Variants in ALCAM observed in about 807,000 individuals in gnomAD.
ALCAM encodes the protein CD166 antigen.
ALCAM carries 30 observed loss-of-function variants against 70.9 expected under a neutral mutation model. The observed-to-expected ratio is 0.42, with a 90% CI of 0.32 to 0.57. ALCAM has a LOEUF of 0.57. ALCAM is among the 20% of genes least tolerant of loss of function. The probability of loss-of-function intolerance (pLI) is 0.11; values close to 1 mark genes in which losing one functional copy is unlikely to be tolerated. For synonymous variants in ALCAM, 249 were observed against 242.5 expected, an observed-to-expected ratio of 1.03 and a Z score of -0.25; for missense variants, 591 against 695.1, an observed-to-expected ratio of 0.85 and a Z score of 1.68.
At chr3:105,386,857 C>T (rs927005274) in intron 1 of ALCAM, among the ~76,000 whole-genome samples, 1 of 151,396 alleles carries the variant, frequency 6.6e-6, no homozygotes, top group African/African-American at 2.4e-5. Flanking sequence ...CAAGTATATT[C>T]CCCAATGTTT....
At chr3:105,539,208 C>G (rs1302728788) in intron 6 of ALCAM, among the ~76,000 whole-genome samples, 2 of 152,084 alleles carry the variant, frequency 1.3e-5, no homozygotes, top group African/African-American at 4.8e-5. Flanking sequence ...GTTAGTGGAT[C>G]ATTTCTAACT....
At chr3:105,381,125 A>G (rs905239956) in intron 1 of ALCAM, among the ~76,000 whole-genome samples, 3 of 151,952 alleles carry the variant, frequency 2.0e-5, no homozygotes, top group African/African-American at 7.2e-5. Flanking sequence ...ATAGCTGTGA[A>G]AGTTAAATGA....
chr3:105,372,141 A>C (rs1935251743), intron 1 of ALCAM, among the ~76,000 whole-genome samples: 1 of 152,094 alleles, frequency 6.6e-6, no homozygotes, highest in African/African-American at 2.4e-5. Flanking sequence ...ATTAGGGTAG[A>C]ATTTTCCTTT....
At chr3:105,415,917 T>C (rs938879155) in intron 1 of ALCAM, among the ~76,000 whole-genome samples, 10 of 152,078 alleles carry the variant, frequency 6.6e-5, no homozygotes, top group African/African-American at 2.4e-4. Context: ...TTATTTTGTT[T>C]TTGGCTTTTC....
chr3:105,408,503 G>A (rs2196746), intron 1 of ALCAM, among the ~76,000 whole-genome samples: 147,981 of 152,260 alleles, frequency 0.97, 72,051 homozygotes, highest in East Asian at 1. Flanking sequence ...AGCCACATGT[G>A]GAAGAATGAA....
intron 1 of ALCAM, among the ~76,000 whole-genome samples, chr3:105,464,125 T>C (rs1465148424): frequency 6.6e-6 from 1 of 151,362 alleles, no homozygotes; most frequent in Admixed American, 6.6e-5. Context: ...GCTAGTCAAA[T>C]GCATTTTTTG....
chr3:105,476,733 A>G (rs1938123659), intron 1 of ALCAM, among the ~76,000 whole-genome samples: 3 of 152,020 alleles, frequency 2.0e-5, no homozygotes. Flanking sequence ...ACATTTGTTC[A>G]CCTTTGTTCT....
intron 14 of ALCAM, among the ~76,000 whole-genome samples, chr3:105,558,130 T>C (rs982930026): frequency 1.3e-5 from 2 of 152,062 alleles, no homozygotes; most frequent in Non-Finnish European, 2.9e-5. Flanking sequence ...CAGGTATCAA[T>C]GGCCGGTTTG....
At position 105,436,760 on chromosome 3, in the gene ALCAM, A is replaced by C. The variant is rs560379203; in HGVS notation, c.73+69279A>C. Reference sequence around the variant, plus strand: ...TTCTGGCCAAATTAAGCATGTGCACATCTCTTGAGCTGGTCAGGGTTGGAG... The same window carrying C: ...TTCTGGCCAAATTAAGCATGTGCACCTCTCTTGAGCTGGTCAGGGTTGGAG... On this transcript the variant is annotated intron_variant, in intron 1 of 15. Coordinates refer to ENST00000306107, the MANE Select transcript of ALCAM (RefSeq NM_001627.4). Among the ~76,000 whole-genome samples, 41 of 152,290 alleles carry C rather than the reference A, an allele frequency of 2.7e-4. No homozygotes were observed. In the East Asian group the frequency reaches 7.9e-3, roughly 29 times the overall value.
chr3:105,494,577 C>T (rs1473323316), intron 1 of ALCAM, among the ~76,000 whole-genome samples: 1 of 152,010 alleles, frequency 6.6e-6, no homozygotes, highest in Non-Finnish European at 1.5e-5. Flanking sequence ...GACAACAATT[C>T]TTTCTTGCTT....
intron 1 of ALCAM, among the ~76,000 whole-genome samples, chr3:105,446,542 A>T (rs1290871964): frequency 6.6e-6 from 1 of 152,002 alleles, no homozygotes; most frequent in African/African-American, 2.4e-5. Flanking sequence ...AGCTCTATTC[A>T]TAATAGCCAT....
intron 1 of ALCAM, among the ~76,000 whole-genome samples, chr3:105,450,926 G>A (rs1335232076): frequency 2.0e-5 from 3 of 152,026 alleles, no homozygotes; most frequent in Non-Finnish European, 2.9e-5. Flanking sequence ...GAAGAATGAC[G>A]TAGAGTTTTA....
chr3:105,379,855 T>C (rs1258422940), intron 1 of ALCAM, among the ~76,000 whole-genome samples: 1 of 151,806 alleles, frequency 6.6e-6, no homozygotes, highest in East Asian at 1.9e-4. Flanking sequence ...ATTCAAAAAA[T>C]GCTTCCACAA....
At chr3:105,386,401 G>C (rs1935655987) in intron 1 of ALCAM, among the ~76,000 whole-genome samples, 1 of 151,558 alleles carries the variant, frequency 6.6e-6, no homozygotes, top group Non-Finnish European at 1.5e-5. Context: ...TTTGGTTCCA[G>C]TTACAGATTT....
At chr3:105,452,279 T>G (rs540028482) in intron 1 of ALCAM, among the ~76,000 whole-genome samples, 2 of 152,236 alleles carry the variant, frequency 1.3e-5, no homozygotes, top group African/African-American at 4.8e-5. Context: ...CCATGTGTTC[T>G]CATTGTTCAA....
At chr3:105,368,263 G>GAGAGAGAGAGAGAGAGAAAA (rs1412428456) in intron 1 of ALCAM, among the ~76,000 whole-genome samples, 2 of 143,340 alleles carry the variant, frequency 1.4e-5, no homozygotes, top group African/African-American at 5.0e-5. Flanking sequence ...GAGAGAGAGA[G>GAGAGAGAGAGAGAGAGAAAA]AAAAGGCAAA....
intron 1 of ALCAM, among the ~76,000 whole-genome samples, chr3:105,510,954 C>T (rs1461081141): frequency 2.6e-5 from 4 of 151,924 alleles, no homozygotes; most frequent in African/African-American, 4.8e-5. Flanking sequence ...AATTTCAAAA[C>T]GGGAGGCACC....
At chr3:105,519,985 G>T (rs1047427095) in intron 1 of ALCAM, 82 bp from the exon 2 acceptor site, 4 of 865,034 alleles carry the variant, frequency 4.6e-6, no homozygotes, top group Non-Finnish European at 7.4e-6. Context: ...GCATCTTGAA[G>T]TTATTTGTCA....
chr3:105,555,629 G>A (rs181401279), intron 14 of ALCAM, among the ~76,000 whole-genome samples: 1 of 152,084 alleles, frequency 6.6e-6, no homozygotes, highest in Non-Finnish European at 1.5e-5. Context: ...AGAAAGATAA[G>A]AGAAACAATC....
Sources: gnomAD v4.1 joint callset for allele counts (sites outside exome capture counted in the v4.1 genomes callset) on GRCh38, gnomAD v4.1.1 for gene constraint, MANE v1.5 for transcripts, NCBI Gene and HGNC (gene_info 2026-07-23, HGNC 2026-07-21) for gene names.